MSI2: variants seen among roughly 807,000 people sequenced by gnomAD.
MSI2 encodes the protein musashi RNA binding protein 2, also known as RNA-binding protein Musashi homolog 2.
MSI2 carries 17 observed loss-of-function variants against 45.6 expected under a neutral mutation model. The observed-to-expected ratio is 0.37, with a 90% CI of 0.26 to 0.56. The LOEUF (loss-of-function observed/expected upper bound fraction) is 0.56. Among genes scored for constraint, MSI2 ranks in the 20% least tolerant of loss-of-function variants. The pLI is 0.77. For synonymous variants in MSI2, 156 were observed against 158.2 expected, an observed-to-expected ratio of 0.99 and a Z score of 0.11; for missense variants, 293 against 444.2, an observed-to-expected ratio of 0.66 and a Z score of 3.06.
At chr17:57,383,439 C>T (rs1397364209) in intron 5 of MSI2, among the ~76,000 whole-genome samples, 1 of 152,116 alleles carries the variant, frequency 6.6e-6, no homozygotes, top group Non-Finnish European at 1.5e-5. Flanking sequence ...GGTGGATCAC[C>T]TGAGGTCAGG....
At chr17:57,530,857 G>A (rs2086807944) in intron 7 of MSI2, among the ~76,000 whole-genome samples, 1 of 152,002 alleles carries the variant, frequency 6.6e-6, no homozygotes, top group African/African-American at 2.4e-5. Flanking sequence ...TCCTGAGTGC[G>A]TCTGGTAATC....
At chr17:57,258,444 G>C in intron 4 of MSI2, 90 bp downstream of exon 4, 1 of 1,076,154 alleles carries the variant, frequency 9.3e-7, no homozygotes. Flanking sequence ...GCCTTCTTTT[G>C]CTTCTGTGCT....
chr17:57,448,782 AGGTTAAG>A (rs1242221657), intron 6 of MSI2: 74 of 152,110 alleles, frequency 4.9e-4, no homozygotes, highest in Admixed American at 4.8e-3. Context: ...AAGCCTAGAG[AGGTTAAG>A]GTGGCACTGT....
chr17:57,421,718 T>C (rs2084400119), intron 6 of MSI2, among the ~76,000 whole-genome samples: 1 of 152,058 alleles, frequency 6.6e-6, no homozygotes, highest in African/African-American at 2.4e-5. Flanking sequence ...ACCCTATCTG[T>C]ACAAAAAATG....
At chr17:57,432,921 C>G (rs574745230) in intron 6 of MSI2, among the ~76,000 whole-genome samples, 24 of 152,210 alleles carry the variant, frequency 1.6e-4, no homozygotes, top group Non-Finnish European at 2.8e-4. Context: ...TTGCTCCAAC[C>G]TGTGTTGCCC....
chr17:57,271,925 C>T (rs1281416904), intron 5 of MSI2, among the ~76,000 whole-genome samples: 1 of 151,954 alleles, frequency 6.6e-6, no homozygotes, highest in Non-Finnish European at 1.5e-5. Flanking sequence ...TTGATAGTTT[C>T]CTAAAGCACA....
At chr17:57,455,871 C>T (rs2085104780) in intron 6 of MSI2, among the ~76,000 whole-genome samples, 2 of 152,226 alleles carry the variant, frequency 1.3e-5, no homozygotes, top group African/African-American at 4.8e-5. Flanking sequence ...GGCACACACA[C>T]GTTCCCATCC....
chr17:57,654,494 C>G (rs929842525), intron 11 of MSI2, among the ~76,000 whole-genome samples: 3 of 152,242 alleles, frequency 2.0e-5, no homozygotes, highest in Non-Finnish European at 4.4e-5. Flanking sequence ...TGGGTGGCCT[C>G]TCCGTGGCAA....
the MSI2 span, among the ~76,000 whole-genome samples, chr17:57,697,150 A>ACACACT: frequency 6.6e-6 from 1 of 150,558 alleles, no homozygotes; most frequent in South Asian, 2.1e-4. Flanking sequence ...CAGGACACAC[A>ACACACT]CACACACACA....
At chr17:57,549,782 C>T (rs548248100) in intron 7 of MSI2, among the ~76,000 whole-genome samples, 1 of 152,258 alleles carries the variant, frequency 6.6e-6, no homozygotes, top group African/African-American at 2.4e-5. Flanking sequence ...GCTCCTTGAC[C>T]CCTAGGTGGG....
intron 5 of MSI2, among the ~76,000 whole-genome samples, chr17:57,308,529 C>T (rs764718101): frequency 1.3e-5 from 2 of 152,202 alleles, no homozygotes; most frequent in East Asian, 1.9e-4. Context: ...GCCGACTTAA[C>T]GGTTGGGATT....
intron 8 of MSI2, 108 bp downstream of exon 8, chr17:57,597,058 G>T: frequency 1.3e-6 from 1 of 786,656 alleles, no homozygotes; most frequent in East Asian, 2.6e-5. Context: ...GGCAGGGGTG[G>T]GGAGGGGGCT....
chr17:57,285,469 T>C (rs1909786889), intron 5 of MSI2, among the ~76,000 whole-genome samples: 1 of 152,212 alleles, frequency 6.6e-6, no homozygotes, highest in Non-Finnish European at 1.5e-5. Context: ...AACCGCATTG[T>C]CTCAGCGTTC....
intron 5 of MSI2, among the ~76,000 whole-genome samples, chr17:57,343,233 A>G (rs1217256447): frequency 6.6e-6 from 1 of 152,180 alleles, no homozygotes; most frequent in Non-Finnish European, 1.5e-5. Context: ...GAAGGAGGAC[A>G]GCAACTGAGA....
At chr17:57,600,102 A>G (rs146419438) in intron 8 of MSI2, among the ~76,000 whole-genome samples, 3,582 of 152,346 alleles carry the variant, frequency 0.024, 56 homozygotes, top group Middle Eastern at 0.041. Context: ...AGGCCCAAAG[A>G]AAAGGAAATG....
At chr17:57,278,676 GT>G (rs67174518) in intron 5 of MSI2, 3 of 152,304 alleles carry the variant, frequency 2.0e-5, no homozygotes, top group African/African-American at 4.9e-5. Context: ...GGTGAGATGT[GT>G]TTTTTTTTCT....
intron 5 of MSI2, chr17:57,263,442 T>C (rs942890464): frequency 2.6e-5 from 4 of 152,260 alleles, no homozygotes; most frequent in Non-Finnish European, 4.4e-5. Flanking sequence ...ATTGCCCTTA[T>C]TGTTTTAGTT....
rs777993568 is a variant in MSI2 at position 57,683,176 on chromosome 17, GTT to G, written c.*3661_*3662del. 1.3e-5 allele frequency: 3 copies of G among 229,148 alleles called. No homozygotes were observed. The highest frequency in any genetic ancestry group is 2.2e-5 in the African/African-American group (1 of 45,092). The allele number at this position is 229,148 out of a possible 1,614,324, so 14.2% of individuals were successfully genotyped here. A position where few individuals can be genotyped will look rare whatever the true frequency, so the allele number is the denominator to read the frequency against. ...ATGGCTCTATTGCTGTCAATTTACT[GTT>G]TCACTGCACAGCAATCACAGCCAGT... On this transcript the variant is annotated 3_prime_UTR_variant, in exon 14 of 14. Coordinates refer to ENST00000284073, the MANE Select transcript of MSI2 (RefSeq NM_138962.4). This position sits in a 1 kb window ranked among gnomAD's most constrained non-coding sequence, Gnocchi z 5.2.
intron 7 of MSI2, among the ~76,000 whole-genome samples, chr17:57,542,013 C>A (rs1219433976): frequency 6.6e-6 from 1 of 152,124 alleles, no homozygotes; most frequent in Non-Finnish European, 1.5e-5. Flanking sequence ...GAGGGCTGGG[C>A]TGGTTCATGG....
Sources: gnomAD v4.1 joint callset for allele counts (sites outside exome capture counted in the v4.1 genomes callset) on GRCh38, gnomAD v4.1.1 for gene constraint, Gnocchi (gnomAD v3.1) non-coding constraint, MANE v1.5 for transcripts, NCBI Gene and HGNC (gene_info 2026-07-23, HGNC 2026-07-21) for gene names.